GRM3: variants seen among roughly 807,000 people sequenced by gnomAD.
GRM3 encodes glutamate metabotropic receptor 3.
GRM3 carries 26 observed loss-of-function variants against 70.5 expected under a neutral mutation model. The observed-to-expected ratio is 0.37, with a 90% confidence interval of 0.27 to 0.51. The LOEUF (loss-of-function observed/expected upper bound fraction) is 0.51, where lower values mean the gene tolerates loss of function less well. GRM3 is among the 20% of genes least tolerant of loss of function. GRM3 has a pLI of 0.93. For missense variants in GRM3, 859 were observed against 1,123.8 expected (o/e 0.76, Z 3.37); for synonymous variants, 443 against 434.9 (o/e 1.02, Z -0.23).
intron 1 of GRM3, among the ~76,000 whole-genome samples, chr7:86,745,352 A>G (rs1327622844): frequency 6.6e-6 from 1 of 152,100 alleles, no homozygotes; most frequent in Non-Finnish European, 1.5e-5. Context: ...TCATCTTAGC[A>G]TAGCCCACCT....
Position 86,731,102 on chromosome 7 carries a change from C to T in GRM3, c.-140-33904C>T, listed in dbSNP as rs191047117. Among the ~76,000 whole-genome samples, 101 of 147,254 alleles carry T rather than the reference C, an allele frequency of 6.9e-4. 2 individuals carry two copies. In the East Asian group the frequency reaches 0.013, roughly 19 times the overall value. ...ATTAGTGCTATGATTTCAATCATTA[C>T]GACAAGCTTGACTCCCTTCCTAACC... On this transcript the variant is annotated intron_variant, in intron 1 of 5. Coordinates refer to ENST00000361669, the MANE Select transcript of GRM3 (RefSeq NM_000840.3).
intron 1 of GRM3, among the ~76,000 whole-genome samples, chr7:86,714,136 A>G (rs1023967676): frequency 6.6e-6 from 1 of 151,982 alleles, no homozygotes; most frequent in Non-Finnish European, 1.5e-5. Context: ...GTCTGGCATC[A>G]TTCTCATGCT....
Position 86,786,911 on chromosome 7 carries a change from C to T in GRM3, c.1119C>T (p.Cys373=), listed in dbSNP as rs370957631. Residue 373 remains cysteine, a synonymous_variant, in exon 3 of 6, where the codon TGC becomes TGT. Transcript: ENST00000361669. This position sits in a 1 kb window ranked among gnomAD's most constrained non-coding sequence, Gnocchi z 6.0. ...LQNKRNHRRV[C]DKHLAIDSSN... The stretch of plus-strand genomic sequence containing the variant: ...ACAAACGCAACCACAGGCGCGTCTG[C>T]GACAAGCACCTGGCCATCGACAGCA... 3.1e-6 allele frequency: 5 copies of T among 1,613,934 alleles called. No individual in the cohort carries two copies. Among genetic ancestry groups the T allele is most frequent in the South Asian group, 2.2e-5 (2 of 91,088 alleles).
chr7:86,715,365 C>G (rs1406658992), intron 1 of GRM3, among the ~76,000 whole-genome samples: 1 of 151,988 alleles, frequency 6.6e-6, no homozygotes, highest in East Asian at 1.9e-4. Context: ...TATTCTACCA[C>G]TTACTGACTC....
chr7:86,725,782 T>A (rs1795578491), intron 1 of GRM3, among the ~76,000 whole-genome samples: 1 of 151,710 alleles, frequency 6.6e-6, no homozygotes, highest in African/African-American at 2.4e-5. Context: ...GACTGGGGAG[T>A]CCAAGAATAA....
intron 1 of GRM3, among the ~76,000 whole-genome samples, chr7:86,657,086 T>C (rs557213489): frequency 1.3e-5 from 2 of 152,334 alleles, no homozygotes; most frequent in South Asian, 2.1e-4. Flanking sequence ...GCTATTCTTC[T>C]GAAGGCATTT....
intron 3 of GRM3, among the ~76,000 whole-genome samples, chr7:86,830,948 C>T (rs929044757): frequency 1.3e-5 from 2 of 152,092 alleles, no homozygotes; most frequent in Admixed American, 6.5e-5. Context: ...CAGAGTAATG[C>T]ATTAACAAGC....
intron 1 of GRM3, among the ~76,000 whole-genome samples, chr7:86,718,613 A>G (rs1332688008): frequency 6.6e-6 from 1 of 151,934 alleles, no homozygotes; most frequent in East Asian, 1.9e-4. Context: ...ACATTCTCTC[A>G]CAGTCACCAC....
intron 1 of GRM3, among the ~76,000 whole-genome samples, chr7:86,746,487 G>GA (rs144386595): frequency 0.089 from 12,865 of 144,808 alleles, 627 homozygotes; most frequent in Middle Eastern, 0.13. Context: ...AACTTAGAAT[G>GA]AAAAAAAAAA....
At chr7:86,836,884 A>G (rs74539642) in intron 3 of GRM3, among the ~76,000 whole-genome samples, 1,746 of 152,300 alleles carry the variant, frequency 0.011, 31 homozygotes, top group African/African-American at 0.039. Flanking sequence ...AATTATTAAA[A>G]GACAGAAACG....
intron 1 of GRM3, among the ~76,000 whole-genome samples, chr7:86,682,562 G>T (rs978129450): frequency 6.6e-6 from 1 of 152,092 alleles, no homozygotes; most frequent in Non-Finnish European, 1.5e-5. Flanking sequence ...GATAATTCTG[G>T]CAGAGCAGTG....
intron 1 of GRM3, among the ~76,000 whole-genome samples, chr7:86,667,887 C>G (rs1794069597): frequency 6.6e-6 from 1 of 152,082 alleles, no homozygotes. Flanking sequence ...TAGTCACTTT[C>G]ACCCACTCAA....
Position 86,820,058 on chromosome 7 carries a change from T to C in GRM3, c.1325-18781T>C, listed in dbSNP as rs143675258. Among the ~76,000 whole-genome samples the C allele has an allele frequency of 6.1e-3, 926 of 152,296 alleles. 10 individuals are homozygous for C. Among genetic ancestry groups the C allele is most frequent in the Middle Eastern group, 0.031 (9 of 294 alleles). ...TGGTATGAATTCAGACTTTTACAAATTGAACCCATACTTGACCTCTTACAG... is the reference window on the plus strand; with the variant it reads ...TGGTATGAATTCAGACTTTTACAAACTGAACCCATACTTGACCTCTTACAG... On this transcript the variant is annotated intron_variant, in intron 3 of 5. Coordinates refer to ENST00000361669, the MANE Select transcript of GRM3 (RefSeq NM_000840.3).
intron 3 of GRM3, among the ~76,000 whole-genome samples, chr7:86,819,202 A>T (rs980201323): frequency 3.9e-5 from 6 of 152,110 alleles, no homozygotes; most frequent in African/African-American, 1.4e-4. Flanking sequence ...AGAAATAACC[A>T]ACATTGTTTG....
chr7:86,830,345 A>G (rs1237370403), intron 3 of GRM3, among the ~76,000 whole-genome samples: 1 of 152,166 alleles, frequency 6.6e-6, no homozygotes, highest in Non-Finnish European at 1.5e-5. Flanking sequence ...TTGGTCACTG[A>G]CACATCCTGT....
chr7:86,716,093 T>C (rs1795307716), intron 1 of GRM3, among the ~76,000 whole-genome samples: 1 of 151,998 alleles, frequency 6.6e-6, no homozygotes, highest in Non-Finnish European at 1.5e-5. Context: ...ACAGATGTCA[T>C]TTGACAGGTG....
chr7:86,799,229 C>G (rs918330384), intron 3 of GRM3, among the ~76,000 whole-genome samples: 23 of 152,160 alleles, frequency 1.5e-4, no homozygotes, highest in African/African-American at 5.6e-4. Flanking sequence ...GCCAAAGTTG[C>G]TTATCAGCTT....
chr7:86,767,588 G>GTA lies in GRM3; in HGVS notation c.468+1984_468+1985dup, dbSNP rs928407017. Among the ~76,000 whole-genome samples, 6 of 141,006 alleles carry GTA rather than the reference G, an allele frequency of 4.3e-5. No individual in the cohort carries two copies. The South Asian group carries it at 1.2e-3, about 27-fold the overall frequency. The allele number at this position is 141,006 out of a possible 152,430, so 92.5% of individuals were successfully genotyped here. ...GAAGTATGAAACATTTCATATATGT[G>GTA]TATATATATAGTCTGCCATACTTCA... On this transcript the variant is annotated intron_variant, in intron 2 of 5. Coordinates refer to ENST00000361669, the MANE Select transcript of GRM3 (RefSeq NM_000840.3).
At chr7:86,677,850 A>C (rs1422872987) in intron 1 of GRM3, among the ~76,000 whole-genome samples, 3 of 152,026 alleles carry the variant, frequency 2.0e-5, no homozygotes, top group African/African-American at 4.8e-5. Context: ...AATAATCTAA[A>C]TAAATTATCG....
Sources: gnomAD v4.1 joint callset for allele counts (sites outside exome capture counted in the v4.1 genomes callset) on GRCh38, gnomAD v4.1.1 for gene constraint, Gnocchi (gnomAD v3.1) non-coding constraint, MANE v1.5 for transcripts, NCBI Gene and HGNC (gene_info 2026-07-23, HGNC 2026-07-21) for gene names.